The following CAPN5 variants were observed in gnomAD, a reference collection of about 807,000 sequenced individuals.
The protein encoded by CAPN5 is calpain-5.
Under a neutral mutation model 73.0 loss-of-function variants are expected in CAPN5, and 54 were observed. The ratio of observed to expected loss-of-function variants is 0.74; its 90% CI spans 0.59 to 0.93. CAPN5 has a LOEUF of 0.93. CAPN5 is among the 40% of genes least tolerant of loss of function. CAPN5 has a pLI of 0.00. For synonymous variants in CAPN5, 335 were observed against 356.9 expected, an observed-to-expected ratio of 0.94 and a Z score of 0.69; for missense variants, 785 against 882.9, an observed-to-expected ratio of 0.89 and a Z score of 1.41.
intron 9 of CAPN5, chr11:77,120,425 T>G (rs1165825532): frequency 2.8e-6 from 1 of 355,748 alleles, no homozygotes; most frequent in Non-Finnish European, 5.1e-6. Flanking sequence ...CTAATGACTT[T>G]TGTGTGATCA....
chr11:77,109,238 C>T (rs1190930191), intron 3 of CAPN5, among the ~76,000 whole-genome samples: 2 of 152,184 alleles, frequency 1.3e-5, no homozygotes, highest in African/African-American at 4.8e-5. Flanking sequence ...TTGTAAAATG[C>T]TGGTGGTCTA....
intron 1 of CAPN5, chr11:77,071,792 G>A: frequency 5.1e-6 from 2 of 390,490 alleles, no homozygotes; most frequent in Admixed American, 2.5e-5. Context: ...CCAGGAATAG[G>A]AAGTGGCTTG....
chr11:77,072,298 C>A (rs1287448345), intron 1 of CAPN5, among the ~76,000 whole-genome samples: 1 of 152,242 alleles, frequency 6.6e-6, no homozygotes, highest in East Asian at 1.9e-4. Context: ...CGTTTTGTTG[C>A]TACTTCCTCC....
intron 3 of CAPN5, among the ~76,000 whole-genome samples, chr11:77,111,719 G>T (rs1950412165): frequency 6.6e-6 from 1 of 152,154 alleles, no homozygotes; most frequent in Non-Finnish European, 1.5e-5. Context: ...GACATTCCCA[G>T]TGTAACATCA....
intron 1 of CAPN5, among the ~76,000 whole-genome samples, chr11:77,079,985 T>C (rs1282380887): frequency 6.6e-6 from 1 of 152,230 alleles, no homozygotes; most frequent in Non-Finnish European, 1.5e-5. Context: ...ATTATTGTTT[T>C]ACCTTTCAGT....
intron 3 of CAPN5, 43 bp downstream of exon 3, chr11:77,093,856 A>G: frequency 1.3e-6 from 2 of 1,595,038 alleles, no homozygotes; most frequent in Non-Finnish European, 1.7e-6. Context: ...GGGAGTGTGA[A>G]CGCAGCCTGT....
chr11:77,097,341 C>T (rs1950220449), intron 3 of CAPN5, among the ~76,000 whole-genome samples: 1 of 152,150 alleles, frequency 6.6e-6, no homozygotes, highest in South Asian at 2.1e-4. Flanking sequence ...CAGCTATGCC[C>T]TGAGAACCAT....
At position 77,121,974 on chromosome 11, in the gene CAPN5, T is replaced by C; in HGVS notation, c.1528T>C (p.Ser510Pro). The part of the protein sequence containing the change: ...LDEPPHTCWS[S>P]LCGYPQLVTQ... ...TGAGCCCCCACACACCTGCTGGAGC[T>C]CCCTCTGTGGCTACCCCCAGCTGGT... Residue 510 changes from serine to proline, a missense_variant, in exon 11 of 13, where the codon TCC becomes CCC. Coordinates refer to ENST00000648180, the MANE Select transcript of CAPN5 (RefSeq NM_004055.5). 1.3e-6 allele frequency: 2 copies of C among 1,561,136 alleles called. No individual in the cohort carries two copies. Among genetic ancestry groups the C allele is most frequent in the Non-Finnish European group, 1.7e-6 (2 of 1,152,238 alleles).
intron 1 of CAPN5, among the ~76,000 whole-genome samples, chr11:77,082,989 C>G (rs1028037390): frequency 6.6e-6 from 1 of 152,212 alleles, no homozygotes; most frequent in South Asian, 2.1e-4. Flanking sequence ...TGCTGCTCCT[C>G]GGTGACTCTG....
At chr11:77,116,356 C>T (rs1950468713) in intron 7 of CAPN5, 53 bp downstream of exon 7, 1 of 1,453,054 alleles carries the variant, frequency 6.9e-7, no homozygotes, top group Non-Finnish European at 9.6e-7. Flanking sequence ...TCCCACGGGC[C>T]TGGCGGGGAG....
In CAPN5 at chr11:77,093,750, G is replaced by A; in HGVS notation, c.234G>A (p.Val78=). 1 of 1,612,366 alleles carries A rather than the reference G, an allele frequency of 6.2e-7. No individual in the cohort carries two copies. The highest frequency in any genetic ancestry group is 8.5e-7 in the Non-Finnish European group (1 of 1,179,960). The change falls in exon 3 of 13, where the codon GTG becomes GTA. Residue 78 remains valine (V), a synonymous_variant. Coordinates refer to ENST00000648180, the MANE Select transcript of CAPN5 (RefSeq NM_004055.5). ...CCCACGACCTGCACCAGGGCCAGGT[G>A]GGCAACTGCTGGTTTGTGGCAGCCT... ...ISSHDLHQGQ[V]GNCWFVAACS...
At position 77,115,548 on chromosome 11, in the gene CAPN5, C is replaced by A. The variant is rs782652460; in HGVS notation, c.853C>A (p.Pro285Thr). The change falls in exon 6 of 13, where the codon CCC (proline) becomes ACC (threonine). Residue 285 changes from proline to threonine, a missense_variant. Pro to Thr is a conservative substitution (Grantham distance 38). Transcript: ENST00000648180. ...GTTGGACATGATCCGCCTGCGCAACCCCTGGGGCGAGCGGGAGTGGAACGG... is the reference window on the plus strand; with the variant it reads ...GTTGGACATGATCCGCCTGCGCAACACCTGGGGCGAGCGGGAGTGGAACGG... ...EKLDMIRLRN[P>T]WGEREWNGPW... The A allele has an allele frequency of 1.2e-6, 2 of 1,612,684 alleles. No individual in the cohort carries two copies. The highest frequency in any genetic ancestry group is 4.5e-5 in the East Asian group (2 of 44,890).
At chr11:77,115,964 A>AC (rs1298083891) in intron 6 of CAPN5, among the ~76,000 whole-genome samples, 38 of 151,568 alleles carry the variant, frequency 2.5e-4, no homozygotes, top group Non-Finnish European at 3.5e-4. Context: ...TGGGGGTCGC[A>AC]CCCCCCTTCC....
In CAPN5 at chr11:77,125,699, G is replaced by C. The variant is rs1410235716; in HGVS notation, c.*1829G>C. Reference sequence around the variant, plus strand: ...TCAAATCAAGGCTCCTGAGTAGGGGGTGAAGTGAGCCAGCTTGCACCTCAG... The same window carrying C: ...TCAAATCAAGGCTCCTGAGTAGGGGCTGAAGTGAGCCAGCTTGCACCTCAG... On this transcript the variant is annotated 3_prime_UTR_variant, in exon 13 of 13. Coordinates refer to ENST00000648180, the MANE Select transcript of CAPN5 (RefSeq NM_004055.5). 6.6e-6 allele frequency: 1 copy of C among 152,144 alleles called. No individual in the cohort carries two copies. Among genetic ancestry groups the C allele is most frequent in the Non-Finnish European group, 1.5e-5 (1 of 68,012 alleles). 9.4% of individuals were successfully genotyped at this position (152,144 alleles called of 1,614,324 possible).
chr11:77,093,473 TC>T (rs1335459449), intron 2 of CAPN5, among the ~76,000 whole-genome samples: 95 of 152,150 alleles, frequency 6.2e-4, no homozygotes, highest in African/African-American at 2.2e-3. Flanking sequence ...GGAGAGGGCA[TC>T]CCAGGCAGGA....
chr11:77,112,902 G>A, intron 4 of CAPN5, 105 bp downstream of exon 4: 1 of 1,107,926 alleles, frequency 9.0e-7, no homozygotes, highest in Admixed American at 2.0e-5. Context: ...ACAGAGAAGT[G>A]AGGGGCTGGT....
chr11:77,093,664 T>A lies in CAPN5; in HGVS notation c.166-18T>A. The A allele has an allele frequency of 6.4e-7, 1 of 1,564,118 alleles. No homozygotes were observed. Reference sequence around the variant, plus strand: ...ATGCTCCTCCGCCCCTCACGCTCTCTCCTCGCCTTCTCCGCAGGGCATCTG... The same window carrying A: ...ATGCTCCTCCGCCCCTCACGCTCTCACCTCGCCTTCTCCGCAGGGCATCTG... On this transcript the variant is annotated intron_variant, in intron 2 of 12. Transcript: ENST00000648180.
chr11:77,086,972 T>C (rs1950093471), intron 2 of CAPN5, among the ~76,000 whole-genome samples: 1 of 152,206 alleles, frequency 6.6e-6, no homozygotes, highest in South Asian at 2.1e-4. Context: ...TCTCGTTGCC[T>C]TCCTCGCTGG....
intron 2 of CAPN5, chr11:77,088,095 A>G: frequency 6.6e-7 from 1 of 1,508,712 alleles, no homozygotes; most frequent in African/African-American, 1.4e-5. Context: ...TGGGGGCAAC[A>G]TCCCCTCATC....
Sources: gnomAD v4.1 joint callset for allele counts (sites outside exome capture counted in the v4.1 genomes callset) on GRCh38, gnomAD v4.1.1 for gene constraint, MANE v1.5 for transcripts, NCBI Gene and HGNC (gene_info 2026-07-23, HGNC 2026-07-21) for gene names.